The following TMC1 variants were observed in gnomAD, a reference collection of about 807,000 sequenced individuals.
TMC1 encodes the protein transmembrane channel-like protein 1.
In TMC1, 84 loss-of-function variants were observed where a neutral mutation model predicts 105.8. The observed-to-expected ratio is 0.79, with a 90% CI of 0.67 to 0.95. TMC1 has a LOEUF of 0.95. TMC1 is among the 40% of genes least tolerant of loss of function. The probability of loss-of-function intolerance (pLI) is 0.00; values close to 1 mark genes in which losing one functional copy is unlikely to be tolerated. For missense variants in TMC1, 817 were observed against 914.1 expected, an observed-to-expected ratio of 0.89 and a Z score of 1.37; for synonymous variants, 315 against 311.5, an observed-to-expected ratio of 1.01 and a Z score of -0.12.
intron 2 of TMC1, among the ~76,000 whole-genome samples, chr9:72,599,401 G>C (rs1824769446): frequency 1.3e-5 from 2 of 152,164 alleles, no homozygotes; most frequent in Middle Eastern, 3.2e-3. Context: ...GAAGATGGAA[G>C]CGATGAAAAC....
chr9:72,577,294 G>A (rs1186044106), intron 1 of TMC1, among the ~76,000 whole-genome samples: 3 of 152,126 alleles, frequency 2.0e-5, no homozygotes, highest in Non-Finnish European at 2.9e-5. Context: ...ATCACTCTGC[G>A]AGTTGTTAGG....
At chr9:72,671,521 A>G (rs1319673025) in intron 5 of TMC1, among the ~76,000 whole-genome samples, 1 of 152,210 alleles carries the variant, frequency 6.6e-6, no homozygotes, top group Non-Finnish European at 1.5e-5. Flanking sequence ...AATATACCAT[A>G]AAGGTGGTAA....
At chr9:72,726,835 T>C (rs1197748480) in intron 8 of TMC1, among the ~76,000 whole-genome samples, 1 of 152,224 alleles carries the variant, frequency 6.6e-6, no homozygotes, top group African/African-American at 2.4e-5. Flanking sequence ...TAGAAACATT[T>C]AGAAGAATAT....
At chr9:72,807,154 C>G (rs1049292666) in intron 18 of TMC1, among the ~76,000 whole-genome samples, 1 of 152,196 alleles carries the variant, frequency 6.6e-6, no homozygotes, top group Non-Finnish European at 1.5e-5. Context: ...TCGGCATGCT[C>G]AGTCAGGAGA....
chr9:72,617,627 A>G (rs1017073717), intron 3 of TMC1, among the ~76,000 whole-genome samples: 2 of 152,148 alleles, frequency 1.3e-5, no homozygotes, highest in African/African-American at 4.8e-5. Context: ...GCATTTATAT[A>G]AATTAAAAAA....
chr9:72,531,823 G>T (rs1187067146), intron 1 of TMC1, among the ~76,000 whole-genome samples: 1 of 152,100 alleles, frequency 6.6e-6, no homozygotes, highest in Non-Finnish European at 1.5e-5. Context: ...ATTCAAAAAT[G>T]CTCCAAGTGC....
chr9:72,794,465 C>T (rs952330470), intron 17 of TMC1, among the ~76,000 whole-genome samples: 1 of 152,236 alleles, frequency 6.6e-6, no homozygotes, highest in Non-Finnish European at 1.5e-5. Context: ...ACCAATATGC[C>T]GAAGTGCCAC....
At chr9:72,650,329 T>G (rs555368374) in intron 5 of TMC1, among the ~76,000 whole-genome samples, 2 of 152,168 alleles carry the variant, frequency 1.3e-5, no homozygotes, top group African/African-American at 2.4e-5. Flanking sequence ...GTGGTTTGCA[T>G]AATGTCACAG....
intron 1 of TMC1, among the ~76,000 whole-genome samples, chr9:72,544,470 T>C (rs1452691833): frequency 7.2e-6 from 1 of 138,470 alleles, no homozygotes; most frequent in Admixed American, 7.8e-5. Flanking sequence ...TTGTTGTTGA[T>C]TTTTTAACTT....
At position 72,648,642 on chromosome 9, in the gene TMC1, C is replaced by A; in HGVS notation, c.-7C>A. The A allele has an allele frequency of 6.2e-7, 1 of 1,613,074 alleles. No homozygotes were observed. Among genetic ancestry groups the A allele is most frequent in the Non-Finnish European group, 8.5e-7 (1 of 1,179,198 alleles). On this transcript the variant is annotated 5_prime_UTR_variant, in exon 5 of 24. Coordinates refer to ENST00000297784, the MANE Select transcript of TMC1 (RefSeq NM_138691.3). ...CCACTGAGACCTTCTGACAGGACAC[C>A]CCCAGGATGTCACCCAAAAAAGGTA...
chr9:72,823,765 G>A (rs574101968), intron 20 of TMC1, among the ~76,000 whole-genome samples: 1 of 152,032 alleles, frequency 6.6e-6, no homozygotes, highest in African/African-American at 2.4e-5. Context: ...AGTTCTCTAG[G>A]TTTTTATATA....
At position 72,836,041 on chromosome 9, in the gene TMC1, C is replaced by A; in HGVS notation, c.*68C>A. Reference sequence around the variant, plus strand: ...GTTTAAAAGTAATGCAATATGTGAACGCCCAGAGAACAAGCACTGTGGAAC... The same window carrying A: ...GTTTAAAAGTAATGCAATATGTGAAAGCCCAGAGAACAAGCACTGTGGAAC... On this transcript the variant is annotated 3_prime_UTR_variant, in exon 24 of 24. Coordinates refer to ENST00000297784, the MANE Select transcript of TMC1 (RefSeq NM_138691.3). 6.5e-7 allele frequency: 1 copy of A among 1,537,408 alleles called. No individual in the cohort carries two copies. The highest frequency in any genetic ancestry group is 8.9e-7 in the Non-Finnish European group (1 of 1,121,016).
In TMC1 at chr9:72,606,947, A is replaced by ATATGTATG. The variant is rs35412597; in HGVS notation, c.-305-9403_-305-9396dup. On this transcript the variant is annotated intron_variant, in intron 2 of 23. Coordinates refer to ENST00000297784, the MANE Select transcript of TMC1 (RefSeq NM_138691.3). ...TTATGAAGGCTAAGTAGGTTTATAT[A>ATATGTATG]TATGTATGTATGTATGTATGTATGT... Among the ~76,000 whole-genome samples the ATATGTATG allele has an allele frequency of 4.3e-4, 64 of 148,140 alleles. 1 individual carries two copies. The East Asian group carries it at 7.5e-3, about 17-fold the overall frequency.
chr9:72,628,169 A>G (rs937935370), intron 4 of TMC1, 106 bp downstream of exon 4: 1 of 429,920 alleles, frequency 2.3e-6, no homozygotes, highest in Non-Finnish European at 4.7e-6. Context: ...ATGGGATTGT[A>G]CAGAATGAGG....
chr9:72,663,996 T>C (rs1438408823), intron 5 of TMC1, among the ~76,000 whole-genome samples: 1 of 152,204 alleles, frequency 6.6e-6, no homozygotes, highest in Admixed American at 6.5e-5. Context: ...CTTGTCCCAC[T>C]GGAAGATCTT....
intron 13 of TMC1, among the ~76,000 whole-genome samples, chr9:72,781,659 A>G (rs1828094406): frequency 6.6e-6 from 1 of 152,150 alleles, no homozygotes; most frequent in East Asian, 1.9e-4. Flanking sequence ...AAACACAAAA[A>G]ACCCTCAGAG....
intron 7 of TMC1, among the ~76,000 whole-genome samples, chr9:72,699,572 G>T (rs1326529362): frequency 6.6e-6 from 1 of 152,028 alleles, no homozygotes; most frequent in Non-Finnish European, 1.5e-5. Flanking sequence ...GTATTCAAGG[G>T]AACAAAGAAG....
At chr9:72,834,401 G>C (rs1829087970) in intron 23 of TMC1, among the ~76,000 whole-genome samples, 1 of 152,098 alleles carries the variant, frequency 6.6e-6, no homozygotes, top group Non-Finnish European at 1.5e-5. Flanking sequence ...AGGATGCAAA[G>C]GTGGGTTTCG....
In TMC1 at chr9:72,661,108, C is replaced by T. The variant is rs765081415; in HGVS notation, c.16+12444C>T. Among the ~76,000 whole-genome samples the T allele has an allele frequency of 1.4e-4, 21 of 151,372 alleles. 1 individual carries two copies. Among genetic ancestry groups the T allele is most frequent in the Admixed American group, 8.6e-4 (13 of 15,166 alleles). On this transcript the variant is annotated intron_variant, in intron 5 of 23. Transcript: ENST00000297784. The stretch of plus-strand genomic sequence containing the variant: ...CAGAGGTTGCAGTGAGCCAAGATCA[C>T]GCCACCGCACTCCAGCCTGGGTGAC...
Sources: gnomAD v4.1 joint callset for allele counts (sites outside exome capture counted in the v4.1 genomes callset) on GRCh38, gnomAD v4.1.1 for gene constraint, MANE v1.5 for transcripts, NCBI Gene and HGNC (gene_info 2026-07-23, HGNC 2026-07-21) for gene names.